Variants in POU6F2 observed in about 807,000 individuals in gnomAD.
POU6F2 encodes POU domain, class 6, transcription factor 2.
In POU6F2, 31 loss-of-function variants were observed where a neutral mutation model predicts 71.3. The ratio of observed to expected loss-of-function variants is 0.43; its 90% CI spans 0.33 to 0.59. The LOEUF (loss-of-function observed/expected upper bound fraction) is 0.59, where lower values mean the gene tolerates loss of function less well. Ranked by LOEUF, POU6F2 falls within the 20% of genes least tolerant of loss-of-function variation. The probability of loss-of-function intolerance (pLI) is 0.04; values close to 1 mark genes in which losing one functional copy is unlikely to be tolerated. For missense variants in POU6F2, 783 were observed against 856.8 expected (o/e 0.91, Z 1.07); for synonymous variants, 347 against 355.7 (o/e 0.98, Z 0.27).
chr7:39,378,046 C>T (rs150199038), intron 5 of POU6F2, among the ~76,000 whole-genome samples: 2 of 152,280 alleles, frequency 1.3e-5, no homozygotes, highest in Admixed American at 6.5e-5. Flanking sequence ...TTTTGTGCCA[C>T]TAATTGGTCC....
chr7:39,150,241 G>GTGTGTGTA (rs1792728233), intron 2 of POU6F2, among the ~76,000 whole-genome samples: 1 of 151,270 alleles, frequency 6.6e-6, no homozygotes, highest in Non-Finnish European at 1.5e-5. Context: ...GTGTGTGTGT[G>GTGTGTGTA]TGTGTGTGTG....
chr7:39,196,479 C>T (rs1451517556), intron 2 of POU6F2, among the ~76,000 whole-genome samples: 1 of 152,106 alleles, frequency 6.6e-6, no homozygotes, highest in African/African-American at 2.4e-5. Context: ...TAATTTGGGC[C>T]GGGCGCAGTG....
intron 4 of POU6F2, among the ~76,000 whole-genome samples, chr7:39,269,293 A>C (rs1328801482): frequency 6.6e-6 from 1 of 152,218 alleles, no homozygotes; most frequent in East Asian, 1.9e-4. Context: ...CAGGTGCAGC[A>C]TCAGCCACTC....
chr7:39,301,261 C>T (rs747908205), intron 4 of POU6F2, among the ~76,000 whole-genome samples: 36 of 152,180 alleles, frequency 2.4e-4, no homozygotes, highest in Admixed American at 3.9e-4. Flanking sequence ...CTTCCCAGTG[C>T]CCTTGCAAAT....
intron 4 of POU6F2, among the ~76,000 whole-genome samples, chr7:39,332,634 A>G (rs567875957): frequency 3.8e-4 from 58 of 152,220 alleles, no homozygotes; most frequent in African/African-American, 1.3e-3. Context: ...GATTTTAGCT[A>G]TATAGTTTTG....
chr7:39,085,705 A>G, intron 1 of POU6F2, 155 bp from the exon 2 acceptor site: 1 of 760,256 alleles, frequency 1.3e-6, no homozygotes, highest in Non-Finnish European at 2.1e-6. Flanking sequence ...AGCCAGCAAT[A>G]ACAGCGGGAG....
At chr7:39,200,501 T>A (rs1793876063) in intron 2 of POU6F2, among the ~76,000 whole-genome samples, 1 of 152,170 alleles carries the variant, frequency 6.6e-6, no homozygotes, top group Non-Finnish European at 1.5e-5. Flanking sequence ...CATCTTGCTT[T>A]GTAGGCTCTT....
At chr7:39,421,857 A>G (rs1417992434) in intron 6 of POU6F2, among the ~76,000 whole-genome samples, 1 of 152,228 alleles carries the variant, frequency 6.6e-6, no homozygotes, top group African/African-American at 2.4e-5. Context: ...CTCCCAAGCA[A>G]TAAATAACTT....
In POU6F2 at chr7:39,194,889, G is replaced by A. The variant is rs574877213; in HGVS notation, c.278-9346G>A. Among the ~76,000 whole-genome samples, 18 of 152,224 alleles carry A rather than the reference G, an allele frequency of 1.2e-4. 1 individual carries two copies. In the South Asian group the frequency reaches 3.5e-3, roughly 30 times the overall value. Reference sequence around the variant, plus strand: ...CCTTTAAGAGCTTAACACTGTGAAGGTCTGCAGCTTCACTTCTGAAGCCGG... The same window carrying A: ...CCTTTAAGAGCTTAACACTGTGAAGATCTGCAGCTTCACTTCTGAAGCCGG... On this transcript the variant is annotated intron_variant, in intron 2 of 9. Coordinates refer to ENST00000518318, the MANE Select transcript of POU6F2 (RefSeq NM_001370959.1).
chr7:39,168,985 G>T (rs564877414), intron 2 of POU6F2, among the ~76,000 whole-genome samples: 2 of 152,300 alleles, frequency 1.3e-5, no homozygotes, highest in African/African-American at 4.8e-5. Context: ...TGTTTCCCAA[G>T]TTGACTGTTA....
Position 39,464,612 on chromosome 7 carries a change from C to A in POU6F2, c.2089C>A (p.Arg697Ser), listed in dbSNP as rs150758284. 1 of 1,610,562 alleles carries A rather than the reference C, an allele frequency of 6.2e-7. No individual in the cohort carries two copies. The highest frequency in any genetic ancestry group is 1.1e-5 in the South Asian group (1 of 90,264). The stretch of plus-strand genomic sequence containing the variant: ...GCAAGCCCTGAAGAACACAATTAAA[C>A]GCTTAAAACAGCACGAGCCGGCCAC... Reference protein sequence around the residue: ...KRQALKNTIKRLKQHEPATAV... With the variant: ...KRQALKNTIKSLKQHEPATAV... Residue 697 changes from arginine to serine, a missense_variant, in exon 10 of 10, where the codon CGC (arginine) becomes AGC (serine). Arg to Ser is a moderately radical substitution (Grantham distance 110). This residue lies in a region of POU6F2 where 211 missense variants were observed against 283.9 expected (regional missense o/e 0.74). Transcript: ENST00000518318. This position sits in a 1 kb window ranked among gnomAD's most constrained non-coding sequence, Gnocchi z 4.1.
chr7:39,009,670 A>G (rs1789204964), intron 1 of POU6F2, among the ~76,000 whole-genome samples: 1 of 152,162 alleles, frequency 6.6e-6, no homozygotes, highest in Non-Finnish European at 1.5e-5. Context: ...TATCATAGAC[A>G]GCTCTTATTA....
chr7:38,999,668 C>T (rs1390494197), intron 1 of POU6F2, among the ~76,000 whole-genome samples: 1 of 152,130 alleles, frequency 6.6e-6, no homozygotes, highest in Non-Finnish European at 1.5e-5. Context: ...GACCCTAGGC[C>T]TCCTGTTTGG....
chr7:39,445,048 T>C (rs1043984734), intron 7 of POU6F2, among the ~76,000 whole-genome samples: 3 of 152,202 alleles, frequency 2.0e-5, no homozygotes, highest in Non-Finnish European at 4.4e-5. Context: ...CCTCAAAAGG[T>C]AATCTTGGTA....
At chr7:39,094,494 C>T (rs562957039) in intron 2 of POU6F2, among the ~76,000 whole-genome samples, 37 of 151,884 alleles carry the variant, frequency 2.4e-4, no homozygotes, top group Admixed American at 5.9e-4. Context: ...GGATTATATG[C>T]GCCTATATAT....
chr7:39,051,490 C>A (rs983017282), intron 1 of POU6F2, among the ~76,000 whole-genome samples: 3 of 152,100 alleles, frequency 2.0e-5, no homozygotes, highest in African/African-American at 7.2e-5. Flanking sequence ...CATCAGGACA[C>A]TTGAGGAATG....
At position 39,113,011 on chromosome 7, in the gene POU6F2, A is replaced by G. The variant is rs115078965; in HGVS notation, c.277+26980A>G. On this transcript the variant is annotated intron_variant, in intron 2 of 9. Coordinates refer to ENST00000518318, the MANE Select transcript of POU6F2 (RefSeq NM_001370959.1). ...TCCAGAGACCAGAAAACTCACACGA[A>G]TATCTTGATTTTATCCTTGAGTCAG... Among the ~76,000 whole-genome samples, 424 of 152,292 alleles carry G rather than the reference A, an allele frequency of 2.8e-3. 1 individual carries two copies. Among genetic ancestry groups the G allele is most frequent in the African/African-American group, 9.6e-3 (401 of 41,566 alleles).
At chr7:39,340,948 C>T (rs1444700926) in intron 5 of POU6F2, among the ~76,000 whole-genome samples, 3 of 152,112 alleles carry the variant, frequency 2.0e-5, no homozygotes, top group Non-Finnish European at 4.4e-5. Flanking sequence ...CAGACAATCT[C>T]GTGTATTTGT....
At chr7:39,185,599 T>C (rs1164136715) in intron 2 of POU6F2, among the ~76,000 whole-genome samples, 1 of 152,100 alleles carries the variant, frequency 6.6e-6, no homozygotes, top group Non-Finnish European at 1.5e-5. Context: ...AGTGCTGCCC[T>C]GCGTTCCCTG....
Sources: allele counts gnomAD v4.1 joint callset (sites outside exome capture counted in the v4.1 genomes callset), GRCh38; gene constraint gnomAD v4.1.1; regional missense constraint gnomAD v4.1.1; non-coding constraint Gnocchi (gnomAD v3.1); transcripts MANE v1.5; gene names NCBI Gene and HGNC (gene_info 2026-07-23, HGNC 2026-07-21).